Variants in PCDH7 observed in about 807,000 individuals in gnomAD.
PCDH7 encodes the protein protocadherin 7.
A neutral mutation model predicts 58.9 loss-of-function variants in PCDH7; 17 were observed. The ratio of observed to expected loss-of-function variants is 0.29; its 90% CI spans 0.20 to 0.43. PCDH7 has a LOEUF of 0.43. Ranked by LOEUF, PCDH7 falls within the 20% of genes least tolerant of loss-of-function variation. The pLI is 1.00. For missense variants in PCDH7, 1,274 were observed against 1,441.0 expected (o/e 0.88, Z 1.88); for synonymous variants, 664 against 616.4 (o/e 1.08, Z -1.14).
chr4:31,023,984 A>T (rs1462868144), intron 3 of PCDH7, among the ~76,000 whole-genome samples: 3 of 152,202 alleles, frequency 2.0e-5, no homozygotes, highest in African/African-American at 7.2e-5. Flanking sequence ...GCACTGTCAG[A>T]CGCTTTGGAG....
chr4:30,781,373 C>A (rs1232272542), intron 1 of PCDH7, among the ~76,000 whole-genome samples: 1 of 151,996 alleles, frequency 6.6e-6, no homozygotes, highest in Non-Finnish European at 1.5e-5. Flanking sequence ...ATCTCCTGAC[C>A]TCGTGAACCG....
intron 3 of PCDH7, among the ~76,000 whole-genome samples, chr4:31,090,024 G>A (rs527714867): frequency 1.3e-5 from 2 of 152,046 alleles, no homozygotes; most frequent in African/African-American, 2.4e-5. Context: ...CTCAGATGTC[G>A]TGTACATAGG....
chr4:30,928,583 T>C (rs182607995), intron 2 of PCDH7, among the ~76,000 whole-genome samples: 37 of 152,274 alleles, frequency 2.4e-4, no homozygotes, highest in African/African-American at 8.4e-4. Context: ...GTAACTTAAT[T>C]ATAATGAAAA....
chr4:31,088,900 G>A (rs1429375725), intron 3 of PCDH7, among the ~76,000 whole-genome samples: 1 of 151,920 alleles, frequency 6.6e-6, no homozygotes, highest in Admixed American at 6.6e-5. Flanking sequence ...GTTAAAATAT[G>A]TTTTTATGCT....
At chr4:31,048,004 A>G (rs533627712) in intron 3 of PCDH7, among the ~76,000 whole-genome samples, 11 of 152,128 alleles carry the variant, frequency 7.2e-5, no homozygotes, top group Middle Eastern at 3.4e-3. Flanking sequence ...TTATGGTTGC[A>G]TAGTAGTTAT....
At chr4:30,913,638 G>T (rs1211735602) in intron 1 of PCDH7, among the ~76,000 whole-genome samples, 1 of 152,134 alleles carries the variant, frequency 6.6e-6, no homozygotes, top group South Asian at 2.1e-4. Context: ...TTTTACGAAA[G>T]GGAATAATGA....
At chr4:31,062,151 A>T (rs914271636) in intron 3 of PCDH7, among the ~76,000 whole-genome samples, 1 of 151,646 alleles carries the variant, frequency 6.6e-6, no homozygotes, top group Non-Finnish European at 1.5e-5. Flanking sequence ...TTGTGAAGTT[A>T]TCAGAAAACC....
At chr4:30,987,644 C>A (rs577823586) in intron 3 of PCDH7, 1 of 152,092 alleles carries the variant, frequency 6.6e-6, no homozygotes, top group East Asian at 1.9e-4. Context: ...ATAGTGAGAA[C>A]TTATCTCCAA....
rs184025490 is a variant in PCDH7, at chr4:30,943,812, G to C, written c.288-6308G>C. Reference sequence around the variant, plus strand: ...CAATTTTTTTTCCAGTGTGGCCCAGGGAAGCCAAAAGATTGGACACCTCTG... The same window carrying C: ...CAATTTTTTTTCCAGTGTGGCCCAGCGAAGCCAAAAGATTGGACACCTCTG... On this transcript the variant is annotated intron_variant, in intron 2 of 3. Coordinates refer to the PCDH7 transcript ENST00000509759. 3.4e-3 allele frequency among the ~76,000 whole-genome samples: 520 copies of C among 151,738 alleles called. 14 individuals are homozygous for C. The highest frequency in any genetic ancestry group is 0.031 in the Admixed American group (475 of 15,216).
chr4:31,038,308 T>G (rs1755576838), intron 3 of PCDH7, among the ~76,000 whole-genome samples: 1 of 151,626 alleles, frequency 6.6e-6, no homozygotes, highest in Non-Finnish European at 1.5e-5. Flanking sequence ...GTTCCTGAAG[T>G]TCATGTTAAA....
chr4:31,061,549 A>G (rs1757692902), intron 3 of PCDH7, among the ~76,000 whole-genome samples: 1 of 151,634 alleles, frequency 6.6e-6, no homozygotes. Context: ...ACTTGGAGAA[A>G]AAAAAAGAGT....
intron 1 of PCDH7, among the ~76,000 whole-genome samples, chr4:30,756,820 C>A (rs1188172460): frequency 6.6e-6 from 1 of 152,186 alleles, no homozygotes; most frequent in East Asian, 1.9e-4. Context: ...TTCCTTTGTA[C>A]GTATTTATTT....
At chr4:30,973,983 A>G (rs898667069) in intron 3 of PCDH7, among the ~76,000 whole-genome samples, 2 of 152,040 alleles carry the variant, frequency 1.3e-5, no homozygotes, top group Non-Finnish European at 2.9e-5. Flanking sequence ...AAGAAGGAGT[A>G]TGCTTGAGGG....
intron 3 of PCDH7, among the ~76,000 whole-genome samples, chr4:31,059,512 T>C (rs1282748834): frequency 6.6e-6 from 1 of 151,850 alleles, no homozygotes; most frequent in South Asian, 2.1e-4. Flanking sequence ...TATTTTCTTC[T>C]AAAGATTAAG....
intron 1 of PCDH7, among the ~76,000 whole-genome samples, chr4:30,896,944 AC>A (rs1739497151): frequency 9.8e-6 from 1 of 102,460 alleles, no homozygotes; most frequent in Non-Finnish European, 1.8e-5. Context: ...TTGCTCTGTC[AC>A]CCAGGCTGGA....
intron 3 of PCDH7, among the ~76,000 whole-genome samples, chr4:30,968,344 A>ATATATATATACAC (rs1578442368): frequency 5.2e-5 from 4 of 76,924 alleles, no homozygotes; most frequent in East Asian, 4.6e-4. Context: ...CACACACTAT[A>ATATATATATACAC]TATATATACA....
chr4:30,789,161 C>A (rs114496911), intron 1 of PCDH7, among the ~76,000 whole-genome samples: 27 of 152,214 alleles, frequency 1.8e-4, no homozygotes, highest in South Asian at 8.3e-4. Context: ...TTGAAGCAAG[C>A]AGTACCCAAG....
At chr4:30,816,541 G>A (rs1727690205) in intron 1 of PCDH7, among the ~76,000 whole-genome samples, 1 of 148,780 alleles carries the variant, frequency 6.7e-6, no homozygotes, top group South Asian at 2.1e-4. Context: ...TGATATTTTG[G>A]AATGAGTTTT....
At position 30,815,223 on chromosome 4, in the gene PCDH7, G is replaced by C. The variant is rs1157102452; in HGVS notation, c.70+90627G>C. ...ACATCTACACCCAGTACTGTTGCTA[G>C]TGGTGAATCCATCCATATGGGTCTG... On this transcript the variant is annotated intron_variant, in intron 1 of 3. Coordinates refer to the PCDH7 transcript ENST00000509759. Among the ~76,000 whole-genome samples the C allele has an allele frequency of 2.6e-5, 4 of 151,918 alleles. No individual in the cohort carries two copies. The East Asian group carries it at 5.8e-4, about 22-fold the overall frequency.
Sources: allele counts gnomAD v4.1 joint callset (sites outside exome capture counted in the v4.1 genomes callset), GRCh38; gene constraint gnomAD v4.1.1; transcripts MANE v1.5; gene names NCBI Gene and HGNC (gene_info 2026-07-23, HGNC 2026-07-21).